The following KCNH8 variants were observed in gnomAD, a reference collection of about 807,000 sequenced individuals.
KCNH8 encodes potassium voltage-gated channel subfamily H member 8, also known as voltage-gated delayed rectifier potassium channel KCNH8.
Under a neutral mutation model 103.6 loss-of-function variants are expected in KCNH8, and 70 were observed. The ratio of observed to expected loss-of-function variants is 0.68; its 90% CI spans 0.56 to 0.82. The LOEUF (loss-of-function observed/expected upper bound fraction) is 0.82. Ranked by LOEUF, KCNH8 falls within the 40% of genes least tolerant of loss-of-function variation. The pLI is 0.00. For missense variants in KCNH8, 1,217 were observed against 1,329.9 expected (o/e 0.92, Z 1.32); for synonymous variants, 498 against 489.4 (o/e 1.02, Z -0.23).
intron 11 of KCNH8, among the ~76,000 whole-genome samples, chr3:19,498,648 G>C (rs143946198): frequency 0.037 from 5,623 of 152,270 alleles, 290 homozygotes; most frequent in East Asian, 0.26. Flanking sequence ...TGGAGGACGA[G>C]AGGTGCTCTG....
chr3:19,451,134 C>G, intron 9 of KCNH8, 21 bp from the exon 10 acceptor site: 1 of 1,612,388 alleles, frequency 6.2e-7, no homozygotes, highest in Non-Finnish European at 8.5e-7. Flanking sequence ...ATTTGATTTC[C>G]TCCTTCATCT....
chr3:19,180,564 T>G (rs2063441937), intron 1 of KCNH8, among the ~76,000 whole-genome samples: 1 of 152,174 alleles, frequency 6.6e-6, no homozygotes, highest in Non-Finnish European at 1.5e-5. Context: ...TTGCCTTATT[T>G]CGGGCAGGTT....
At chr3:19,180,722 T>C (rs1186288363) in intron 1 of KCNH8, among the ~76,000 whole-genome samples, 1 of 152,296 alleles carries the variant, frequency 6.6e-6, no homozygotes, top group Non-Finnish European at 1.5e-5. Flanking sequence ...TGGTTTGGTT[T>C]GATCTTTTAA....
intron 1 of KCNH8, among the ~76,000 whole-genome samples, chr3:19,202,510 C>T (rs943443461): frequency 5.3e-5 from 8 of 152,114 alleles, no homozygotes; most frequent in Non-Finnish European, 8.8e-5. Flanking sequence ...ATACAAAGAC[C>T]TCTCAGTCCT....
Position 19,148,729 on chromosome 3 carries a change from A to G in KCNH8, c.10A>G (p.Met4Val). MPV[M>V]KGLLAPQNTF... Reference sequence around the variant, plus strand: ...ACACCACGCTGGAAAAATGCCGGTTATGAAAGGATTACTGGCGCCGCAAAA... The same window carrying G: ...ACACCACGCTGGAAAAATGCCGGTTGTGAAAGGATTACTGGCGCCGCAAAA... The change falls in exon 1 of 16, where the codon ATG becomes GTG. Residue 4 changes from methionine to valine, a missense_variant. This residue lies in a region of KCNH8 where 244 missense variants were observed against 256.8 expected (regional missense o/e 0.95). Transcript: ENST00000328405. The G allele has an allele frequency of 1.9e-6, 3 of 1,614,176 alleles. No individual in the cohort carries two copies. In the African/African-American group the frequency reaches 4.0e-5, roughly 22 times the overall value.
Position 19,503,385 on chromosome 3 carries a change from C to G in KCNH8, c.2041-6978C>G, listed in dbSNP as rs533822003. ...GTCAGTGTGGCGATTCCTCAGGGGT[C>G]TAGAACTAGAAATACCATTTGACCC... On this transcript the variant is annotated intron_variant, in intron 11 of 15. Coordinates refer to ENST00000328405, the MANE Select transcript of KCNH8 (RefSeq NM_144633.3). Among the ~76,000 whole-genome samples, 782 of 152,258 alleles carry G rather than the reference C, an allele frequency of 5.1e-3. 5 individuals carry two copies. The highest frequency in any genetic ancestry group is 0.018 in the African/African-American group (730 of 41,530).
At chr3:19,303,808 A>G (rs549498194) in intron 3 of KCNH8, among the ~76,000 whole-genome samples, 2 of 152,142 alleles carry the variant, frequency 1.3e-5, no homozygotes, top group African/African-American at 4.8e-5. Context: ...CTGAACAATC[A>G]TTGTAGGCAA....
At chr3:19,150,808 G>A (rs1328936722) in intron 1 of KCNH8, among the ~76,000 whole-genome samples, 2 of 152,092 alleles carry the variant, frequency 1.3e-5, no homozygotes, top group Non-Finnish European at 2.9e-5. Flanking sequence ...ACCATGCTTG[G>A]TCTGTGCTCC....
intron 6 of KCNH8, 63 bp from the exon 7 acceptor site, chr3:19,395,041 G>A: frequency 8.5e-7 from 1 of 1,175,080 alleles, no homozygotes; most frequent in Non-Finnish European, 1.3e-6. Flanking sequence ...ATGGCTCCAA[G>A]TTAATGTTGT....
At chr3:19,532,061 T>C (rs550391372) in intron 15 of KCNH8, among the ~76,000 whole-genome samples, 1 of 152,232 alleles carries the variant, frequency 6.6e-6, no homozygotes, top group African/African-American at 2.4e-5. Context: ...ATTTGAAGAA[T>C]ACAAATCTTT....
intron 3 of KCNH8, among the ~76,000 whole-genome samples, chr3:19,305,513 G>T (rs529291836): frequency 3.9e-5 from 6 of 152,260 alleles, no homozygotes; most frequent in Admixed American, 1.3e-4. Flanking sequence ...CAGCCATCCT[G>T]CCCAGAGCAG....
At chr3:19,156,282 T>G (rs577681330) in intron 1 of KCNH8, among the ~76,000 whole-genome samples, 3 of 152,288 alleles carry the variant, frequency 2.0e-5, no homozygotes, top group African/African-American at 7.2e-5. Context: ...GAGTCAAAGA[T>G]GACAAAATTC....
At chr3:19,371,999 G>T (rs2066104940) in intron 5 of KCNH8, among the ~76,000 whole-genome samples, 2 of 152,042 alleles carry the variant, frequency 1.3e-5, no homozygotes, top group African/African-American at 4.8e-5. Flanking sequence ...GTACCATGCT[G>T]TTTTGGTTAC....
chr3:19,253,489 G>A (rs1257951603), intron 1 of KCNH8, among the ~76,000 whole-genome samples, 165 bp from the exon 2 acceptor site: 1 of 151,852 alleles, frequency 6.6e-6, no homozygotes, highest in African/African-American at 2.4e-5. Flanking sequence ...ACTTCTGCTG[G>A]TCAAGTCCAT....
At chr3:19,301,568 C>T (rs1575509214) in intron 3 of KCNH8, among the ~76,000 whole-genome samples, 2 of 152,180 alleles carry the variant, frequency 1.3e-5, no homozygotes, top group East Asian at 3.9e-4. Flanking sequence ...ACTTCTAACA[C>T]CAAATGTGTG....
At chr3:19,481,555 C>G (rs569551318) in intron 11 of KCNH8, among the ~76,000 whole-genome samples, 2 of 152,102 alleles carry the variant, frequency 1.3e-5, no homozygotes, top group Non-Finnish European at 2.9e-5. Flanking sequence ...GATGTTAGAA[C>G]AAGAAAATTG....
At chr3:19,526,223 G>A (rs996996875) in intron 15 of KCNH8, among the ~76,000 whole-genome samples, 1 of 151,806 alleles carries the variant, frequency 6.6e-6, no homozygotes, top group African/African-American at 2.4e-5. Context: ...TGAGTGACAG[G>A]TCAAGAACTC....
intron 9 of KCNH8, chr3:19,450,599 A>C (rs1225059977): frequency 5.0e-6 from 2 of 397,594 alleles, no homozygotes; most frequent in Non-Finnish European, 9.3e-6. Flanking sequence ...ACGATAATTT[A>C]ACAGTGTAAT....
Position 19,295,277 on chromosome 3 carries a change from A to C in KCNH8, c.442+13948A>C, listed in dbSNP as rs184944965. On this transcript the variant is annotated intron_variant, in intron 3 of 15. Transcript: ENST00000328405. ...TTCATACCTGTGGTCCCAGTTACTCAGGGAGCTCAGGTGGGATAATTGCTT... is the reference window on the plus strand; with the variant it reads ...TTCATACCTGTGGTCCCAGTTACTCCGGGAGCTCAGGTGGGATAATTGCTT... 2.0e-4 allele frequency among the ~76,000 whole-genome samples: 30 copies of C among 152,028 alleles called. No homozygotes were observed. In the East Asian group the frequency reaches 5.8e-3, roughly 30 times the overall value.
Sources: gnomAD v4.1 joint callset for allele counts (sites outside exome capture counted in the v4.1 genomes callset) on GRCh38, gnomAD v4.1.1 for gene constraint, gnomAD v4.1.1 regional missense constraint, MANE v1.5 for transcripts, NCBI Gene and HGNC (gene_info 2026-07-23, HGNC 2026-07-21) for gene names.